MYOM1: variants seen among roughly 807,000 people sequenced by gnomAD.
MYOM1 encodes the protein myomesin-1.
In MYOM1, 164 loss-of-function variants were observed where a neutral mutation model predicts 205.3. The observed-to-expected ratio is 0.80, with a 90% confidence interval of 0.70 to 0.91. The LOEUF is 0.91. Among genes scored for constraint, MYOM1 ranks in the 40% least tolerant of loss-of-function variants. The probability of loss-of-function intolerance (pLI) is 0.00; values close to 1 mark genes in which losing one functional copy is unlikely to be tolerated. For synonymous variants in MYOM1, 772 were observed against 789.4 expected (o/e 0.98, Z 0.37); for missense variants, 2,011 against 2,127.3 (o/e 0.95, Z 1.08).
intron 2 of MYOM1, among the ~76,000 whole-genome samples, chr18:3,210,780 C>T (rs543697878): frequency 2.6e-5 from 4 of 152,184 alleles, no homozygotes; most frequent in South Asian, 2.1e-4. Context: ...ATTGGGTGCC[C>T]GTGGAAAGGG....
intron 33 of MYOM1, among the ~76,000 whole-genome samples, chr18:3,079,889 G>A (rs938961455): frequency 3.9e-5 from 6 of 152,118 alleles, no homozygotes; most frequent in Admixed American, 3.3e-4. Context: ...CAGAGTTGCC[G>A]CCAACACGAA....
At chr18:3,177,594 C>A (rs1165312528) in intron 5 of MYOM1, among the ~76,000 whole-genome samples, 1 of 152,012 alleles carries the variant, frequency 6.6e-6, no homozygotes, top group Non-Finnish European at 1.5e-5. Context: ...GCCTCAGCCT[C>A]CCCAGTAGCT....
chr18:3,072,916 G>C (rs2078977251), intron 36 of MYOM1, among the ~76,000 whole-genome samples: 1 of 150,904 alleles, frequency 6.6e-6, no homozygotes, highest in Middle Eastern at 3.2e-3. Context: ...ATGAGAAAAG[G>C]TTGCATAATG....
chr18:3,164,458 T>C lies in MYOM1; in HGVS notation c.1340-19A>G. The C allele has an allele frequency of 6.4e-7, 1 of 1,562,652 alleles. No homozygotes were observed. Among genetic ancestry groups the C allele is most frequent in the Non-Finnish European group, 8.6e-7 (1 of 1,158,168 alleles). ...GGTACTCCTAGAAATATTTTAAAAGTAAGCAAATTAACTTATTTTTGTTTT... is the reference window on the plus strand; with the variant it reads ...GGTACTCCTAGAAATATTTTAAAAGCAAGCAAATTAACTTATTTTTGTTTT... On this transcript the variant is annotated intron_variant, in intron 9 of 37. Coordinates refer to ENST00000356443, the MANE Select transcript of MYOM1 (RefSeq NM_003803.4).
intron 1 of MYOM1, among the ~76,000 whole-genome samples, chr18:3,218,601 A>C (rs924043329): frequency 2.0e-5 from 3 of 152,224 alleles, no homozygotes; most frequent in African/African-American, 7.2e-5. Flanking sequence ...CTACTAGATG[A>C]ATTTTGATAA....
chr18:3,232,946 G>C, the MYOM1 span, among the ~76,000 whole-genome samples: 1 of 152,122 alleles, frequency 6.6e-6, no homozygotes, highest in Non-Finnish European at 1.5e-5. Flanking sequence ...CTGATTTGGA[G>C]GTTTGAAATT....
Position 3,100,385 on chromosome 18 carries a change from C to T in MYOM1, c.3617G>A (p.Gly1206Asp), listed in dbSNP as rs911029463. ...GTCTGTTACATCGCAAGAGTAAATA[C>T]CCAAGTCATCCATCCCAAGGTCTTT... Reference protein sequence around the residue: ...TFKDLGMDDLGIYSCDVTDTD... With the variant: ...TFKDLGMDDLDIYSCDVTDTD... The change falls in exon 24 of 38, where the codon GGT becomes GAT. Residue 1206 changes from glycine to aspartate, a missense_variant. By Grantham distance (94) the Gly-to-Asp change is moderately conservative. Coordinates refer to ENST00000356443, the MANE Select transcript of MYOM1 (RefSeq NM_003803.4). 1.2e-6 allele frequency: 2 copies of T among 1,613,790 alleles called. No individual in the cohort carries two copies. The highest frequency in any genetic ancestry group is 1.3e-5 in the African/African-American group (1 of 74,908).
chr18:3,191,816 C>T (rs967015558), intron 3 of MYOM1, among the ~76,000 whole-genome samples: 1 of 152,020 alleles, frequency 6.6e-6, no homozygotes, highest in Non-Finnish European at 1.5e-5. Flanking sequence ...CTGCCTCAGC[C>T]TCCCGAGTAG....
the MYOM1 span, among the ~76,000 whole-genome samples, chr18:3,235,888 G>C: frequency 6.6e-6 from 1 of 152,210 alleles, no homozygotes; most frequent in Admixed American, 6.5e-5. Context: ...AGAGTTGAGG[G>C]CATGAGTAGT....
chr18:3,105,004 C>T lies in MYOM1; in HGVS notation c.3419-2374G>A, dbSNP rs1040257500. ...GCTCAAGTGATCCACCCGCCTTGGC[C>T]GCCCAAAGTGCTGGGATTACAGACA... On this transcript the variant is annotated intron_variant, in intron 22 of 37. Coordinates refer to ENST00000356443, the MANE Select transcript of MYOM1 (RefSeq NM_003803.4). Among the ~76,000 whole-genome samples the T allele has an allele frequency of 8.5e-5, 13 of 152,202 alleles. No homozygotes were observed. In the South Asian group the frequency reaches 1.5e-3, roughly 17 times the overall value.
chr18:3,100,209 G>C lies in MYOM1; in HGVS notation c.3683-6C>G, dbSNP rs779215681. 6.2e-7 allele frequency: 1 copy of C among 1,613,892 alleles called. No individual in the cohort carries two copies. The highest frequency in any genetic ancestry group is 2.2e-5 in the East Asian group (1 of 44,868). ...AGCAAGTAAACGTTTCAATTCTGTA[G>C]GGGGAAAAAGAAGGCAGTTAAACCT... On this transcript the variant is annotated splice_polypyrimidine_tract_variant and splice_region_variant and intron_variant, in intron 24 of 37. Transcript: ENST00000356443.
chr18:3,160,009 C>G (rs2080362360), intron 10 of MYOM1, among the ~76,000 whole-genome samples: 1 of 149,380 alleles, frequency 6.7e-6, no homozygotes, highest in African/African-American at 2.5e-5. Flanking sequence ...TTCTTCTTCT[C>G]CTACTTCTTC....
At chr18:3,067,864 A>T (rs992765559) in intron 37 of MYOM1, among the ~76,000 whole-genome samples, 5 of 152,174 alleles carry the variant, frequency 3.3e-5, no homozygotes, top group African/African-American at 1.2e-4. Context: ...TTTCTCTTTC[A>T]TAAACATATA....
At chr18:3,177,894 T>C (rs192248251) in intron 5 of MYOM1, among the ~76,000 whole-genome samples, 1 of 152,314 alleles carries the variant, frequency 6.6e-6, no homozygotes, top group Admixed American at 6.5e-5. Context: ...TTCTGACAAG[T>C]AAGAGCTGAA....
At chr18:3,070,817 T>TACA (rs2078951634) in intron 37 of MYOM1, among the ~76,000 whole-genome samples, 2 of 151,840 alleles carry the variant, frequency 1.3e-5, no homozygotes, top group Non-Finnish European at 2.9e-5. Flanking sequence ...TCGCCCGGGC[T>TACA]GGAGTGATCT....
At chr18:3,217,296 C>T (rs745843904) in intron 1 of MYOM1, 1 of 152,316 alleles carries the variant, frequency 6.6e-6, no homozygotes, top group African/African-American at 2.4e-5. Flanking sequence ...CTCTGCACAG[C>T]TTTTGAAGTT....
intron 2 of MYOM1, among the ~76,000 whole-genome samples, chr18:3,201,225 C>T (rs1265803364): frequency 6.6e-6 from 1 of 152,024 alleles, no homozygotes; most frequent in Non-Finnish European, 1.5e-5. Context: ...ATGGTGGAAC[C>T]CTGCCTCTAC....
chr18:3,130,051 CTTTTTTT>C (rs777671133), intron 17 of MYOM1, among the ~76,000 whole-genome samples: 1 of 144,966 alleles, frequency 6.9e-6, no homozygotes, highest in Non-Finnish European at 1.5e-5. Context: ...TTTCTTTCTT[CTTTTTTT>C]TTTTTTTGGA....
chr18:3,242,230 A>C, the MYOM1 span, among the ~76,000 whole-genome samples: 3 of 152,078 alleles, frequency 2.0e-5, no homozygotes, highest in African/African-American at 7.2e-5. Context: ...CTGTGTCCCC[A>C]CCCAAATCTC....
Sources: allele counts gnomAD v4.1 joint callset (sites outside exome capture counted in the v4.1 genomes callset), GRCh38; gene constraint gnomAD v4.1.1; transcripts MANE v1.5; gene names NCBI Gene and HGNC (gene_info 2026-07-23, HGNC 2026-07-21).